The following RSPO4 variants were observed in gnomAD, a reference collection of about 807,000 sequenced individuals.
The protein encoded by RSPO4 is R-spondin-4.
A neutral mutation model predicts 24.8 loss-of-function variants in RSPO4; 23 were observed. The observed-to-expected ratio is 0.93, with a 90% confidence interval of 0.67 to 1.31. The LOEUF (loss-of-function observed/expected upper bound fraction) is 1.31. Among genes scored for constraint, RSPO4 ranks in the 40% most tolerant of loss-of-function variants. The probability of loss-of-function intolerance (pLI) is 0.00; values close to 1 mark genes in which losing one functional copy is unlikely to be tolerated. For synonymous variants in RSPO4, 141 were observed against 127.4 expected, an observed-to-expected ratio of 1.11 and a Z score of -0.72; for missense variants, 333 against 316.5, an observed-to-expected ratio of 1.05 and a Z score of -0.39.
chr20:1,002,144 C>G lies in RSPO4; in HGVS notation c.21G>C (p.Leu7=). 6.4e-7 allele frequency: 1 copy of G among 1,561,462 alleles called. No individual in the cohort carries two copies. The highest frequency in any genetic ancestry group is 1.2e-5 in the South Asian group (1 of 85,084). Reference sequence around the variant, plus strand: ...CCACGGCGTGGGCGACGAGCAGGAGCAGGCAGAGTGGCGCCCGCATCTGGG... The same window carrying G: ...CCACGGCGTGGGCGACGAGCAGGAGGAGGCAGAGTGGCGCCCGCATCTGGG... The part of the protein sequence containing the change: MRAPLC[L]LLLVAHAVDM... Residue 7 remains leucine (L), a synonymous_variant, in exon 1 of 5, where the codon CTG becomes CTC. Transcript: ENST00000217260. The surrounding 1 kb of genome is among the most constrained non-coding windows in gnomAD (Gnocchi z 4.6).
In RSPO4 at chr20:1,002,207, C is replaced by G. The variant is rs1249927233; in HGVS notation, c.-43G>C. The G allele has an allele frequency of 1.0e-5, 15 of 1,454,868 alleles. No individual in the cohort carries two copies. Among genetic ancestry groups the G allele is most frequent in the East Asian group, 2.8e-5 (1 of 35,294 alleles). The allele number at this position is 1,454,868 out of a possible 1,614,324, so 90.1% of individuals were successfully genotyped here. On this transcript the variant is annotated 5_prime_UTR_variant, in exon 1 of 5. Coordinates refer to ENST00000217260, the MANE Select transcript of RSPO4 (RefSeq NM_001029871.4). This position sits in a 1 kb window ranked among gnomAD's most constrained non-coding sequence, Gnocchi z 4.6. ...GGCTGGCGCTCCCCAGGCGGCCCGA[C>G]GGCCCAAGGGCCCCACGTCCCGGCG...
intron 1 of RSPO4, among the ~76,000 whole-genome samples, chr20:973,277 G>A (rs1600092540): frequency 6.6e-6 from 1 of 152,216 alleles, no homozygotes; most frequent in African/African-American, 2.4e-5. Context: ...TCAAGATGGA[G>A]ACAAAGCAAA....
intron 1 of RSPO4, among the ~76,000 whole-genome samples, chr20:989,755 C>G (rs1205013908): frequency 6.6e-6 from 1 of 152,224 alleles, no homozygotes; most frequent in East Asian, 1.9e-4. Context: ...AAGTGGAAAC[C>G]ATAACCCTTC....
At position 967,331 on chromosome 20, in the gene RSPO4, G is replaced by A; in HGVS notation, c.269-17C>T. ...CCCCACATTCTGTAATAGAGCCAGGGACACCCCAGGTGAGGGAGACTGCCA... is the reference window on the plus strand; with the variant it reads ...CCCCACATTCTGTAATAGAGCCAGGAACACCCCAGGTGAGGGAGACTGCCA... On this transcript the variant is annotated splice_polypyrimidine_tract_variant and intron_variant, in intron 2 of 4. Coordinates refer to ENST00000217260, the MANE Select transcript of RSPO4 (RefSeq NM_001029871.4). The A allele has an allele frequency of 1.9e-6, 3 of 1,613,672 alleles. No individual in the cohort carries two copies. The highest frequency in any genetic ancestry group is 2.5e-6 in the Non-Finnish European group (3 of 1,179,998).
At chr20:976,016 AC>A (rs1376936140) in intron 1 of RSPO4, among the ~76,000 whole-genome samples, 1 of 152,156 alleles carries the variant, frequency 6.6e-6, no homozygotes, top group African/African-American at 2.4e-5. Flanking sequence ...AAGACGTGTA[AC>A]AATGCAGGTT....
intron 1 of RSPO4, among the ~76,000 whole-genome samples, chr20:999,842 TA>T (rs1401305206): frequency 2.6e-5 from 4 of 152,166 alleles, no homozygotes; most frequent in Non-Finnish European, 5.9e-5. Flanking sequence ...AGAAGCATCT[TA>T]AAGTCTTCTA....
intron 3 of RSPO4, among the ~76,000 whole-genome samples, chr20:964,707 CACATATATATAT>C (rs2122211348): frequency 6.6e-6 from 1 of 150,940 alleles, no homozygotes; most frequent in African/African-American, 2.4e-5. Context: ...CACACACACA[CACATATATATAT>C]ACACATATAT....
intron 3 of RSPO4, among the ~76,000 whole-genome samples, chr20:966,242 G>T (rs974658679): frequency 1.3e-5 from 2 of 151,952 alleles, no homozygotes; most frequent in Non-Finnish European, 2.9e-5. Flanking sequence ...GAATGCCAAG[G>T]AGCAGCCTAG....
intron 1 of RSPO4, among the ~76,000 whole-genome samples, chr20:973,599 G>T (rs932090905): frequency 6.6e-6 from 1 of 152,076 alleles, no homozygotes; most frequent in African/African-American, 2.4e-5. Context: ...TCAGTCTCCC[G>T]AGCAGCTGGG....
chr20:976,133 G>A (rs927298019), intron 1 of RSPO4, among the ~76,000 whole-genome samples: 24 of 152,208 alleles, frequency 1.6e-4, no homozygotes, highest in African/African-American at 1.4e-4. Context: ...CTACCTCCAC[G>A]TGATTTGTTA....
At position 960,091 on chromosome 20, in the gene RSPO4, A is replaced by G; in HGVS notation, c.*266T>C. 1.8e-6 allele frequency: 1 copy of G among 549,436 alleles called. No individual in the cohort carries two copies. Among genetic ancestry groups the G allele is most frequent in the Non-Finnish European group, 3.2e-6 (1 of 307,922 alleles). 34.0% of individuals were successfully genotyped at this position (549,436 alleles called of 1,614,324 possible). A position where few individuals can be genotyped will look rare whatever the true frequency, so the allele number is the denominator to read the frequency against. ...AAGAAACACAGGAAGAAAGAAAAGG[A>G]AAGATAAAAGATAAGTGAGAAAGAA... On this transcript the variant is annotated 3_prime_UTR_variant, in exon 5 of 5. Transcript: ENST00000217260.
chr20:973,931 T>A (rs976044594), intron 1 of RSPO4, among the ~76,000 whole-genome samples: 23 of 152,206 alleles, frequency 1.5e-4, no homozygotes, highest in Non-Finnish European at 3.1e-4. Context: ...ATGGCACCTC[T>A]TGCTTTTTGA....
intron 1 of RSPO4, among the ~76,000 whole-genome samples, chr20:973,748 C>G (rs1269691779): frequency 6.6e-6 from 1 of 152,204 alleles, no homozygotes; most frequent in Non-Finnish European, 1.5e-5. Context: ...AAGAACCCAA[C>G]AAGCCCCTCC....
At chr20:968,846 T>C (rs1421036573) in intron 1 of RSPO4, among the ~76,000 whole-genome samples, 5 of 152,196 alleles carry the variant, frequency 3.3e-5, no homozygotes, top group Admixed American at 2.6e-4. Flanking sequence ...AGAAAATTTT[T>C]TGTTACCCCA....
At position 969,278 on chromosome 20, in the gene RSPO4, C is replaced by G. The variant is rs539379610; in HGVS notation, c.80-1140G>C. The stretch of plus-strand genomic sequence containing the variant: ...TGAGCTGTGTTTGTGCCACTGTACT[C>G]CAGTCGGAGAGACAGAGTGAAGCCA... On this transcript the variant is annotated intron_variant, in intron 1 of 4. Transcript: ENST00000217260. 3.3e-5 allele frequency among the ~76,000 whole-genome samples: 5 copies of G among 152,272 alleles called. No individual in the cohort carries two copies. In the South Asian group the frequency reaches 1.0e-3, roughly 32 times the overall value.
chr20:1,000,232 GA>G (rs1469716556), intron 1 of RSPO4, among the ~76,000 whole-genome samples: 2 of 152,166 alleles, frequency 1.3e-5, no homozygotes, highest in Admixed American at 1.3e-4. Context: ...GCACACCTCA[GA>G]AGATATCTTC....
At chr20:977,121 G>T (rs564115182) in intron 1 of RSPO4, among the ~76,000 whole-genome samples, 2 of 152,126 alleles carry the variant, frequency 1.3e-5, no homozygotes, top group Non-Finnish European at 2.9e-5. Flanking sequence ...GTAGAGCAGG[G>T]GTTCTCAAAC....
At chr20:992,086 C>T (rs1423060463) in intron 1 of RSPO4, among the ~76,000 whole-genome samples, 1 of 152,052 alleles carries the variant, frequency 6.6e-6, no homozygotes, top group African/African-American at 2.4e-5. Flanking sequence ...GTTTTTCCAG[C>T]CCGCTGTGGG....
intron 4 of RSPO4, 62 bp from the exon 5 acceptor site, chr20:960,528 T>A: frequency 8.0e-7 from 1 of 1,256,066 alleles, no homozygotes; most frequent in Non-Finnish European, 1.1e-6. Flanking sequence ...CCTGGGAGCC[T>A]CCTCAGTCCT....
Sources: gnomAD v4.1 joint callset for allele counts (sites outside exome capture counted in the v4.1 genomes callset) on GRCh38, gnomAD v4.1.1 for gene constraint, Gnocchi (gnomAD v3.1) non-coding constraint, MANE v1.5 for transcripts, NCBI Gene and HGNC (gene_info 2026-07-23, HGNC 2026-07-21) for gene names.